The following DPYD variants were observed in gnomAD, a reference collection of about 807,000 sequenced individuals.
DPYD encodes the protein dihydropyrimidine dehydrogenase [NADP(+)].
A neutral mutation model predicts 116.2 loss-of-function variants in DPYD; 109 were observed. The ratio of observed to expected loss-of-function variants is 0.94; its 90% CI spans 0.80 to 1.10. The LOEUF (loss-of-function observed/expected upper bound fraction) is 1.10. Among genes scored for constraint, DPYD ranks in the 50% least tolerant of loss-of-function variants. The pLI is 0.00. For missense variants in DPYD, 1,302 were observed against 1,254.5 expected, an observed-to-expected ratio of 1.04 and a Z score of -0.57; for synonymous variants, 440 against 432.0, an observed-to-expected ratio of 1.02 and a Z score of -0.23.
intron 16 of DPYD, among the ~76,000 whole-genome samples, chr1:97,328,565 C>T (rs1668823433): frequency 6.6e-6 from 1 of 152,006 alleles, no homozygotes; most frequent in Admixed American, 6.6e-5. Context: ...CAGATTTTTG[C>T]TTAATAGAAA....
intron 18 of DPYD, among the ~76,000 whole-genome samples, chr1:97,253,031 T>A (rs1470783406): frequency 3.9e-5 from 6 of 152,048 alleles, no homozygotes. Context: ...CAGAAAAAAA[T>A]GATGTATTTC....
intron 4 of DPYD, among the ~76,000 whole-genome samples, chr1:97,730,628 T>C (rs1027558005): frequency 9.9e-5 from 15 of 152,114 alleles, no homozygotes; most frequent in Admixed American, 7.2e-4. Context: ...ATATATATTT[T>C]AAAATTATAA....
At chr1:97,285,847 CTT>C (rs1382138410) in intron 18 of DPYD, among the ~76,000 whole-genome samples, 1 of 152,046 alleles carries the variant, frequency 6.6e-6, no homozygotes, top group African/African-American at 2.4e-5. Flanking sequence ...TTTAGTGAGA[CTT>C]TTGGAGAGTC....
intron 3 of DPYD, among the ~76,000 whole-genome samples, chr1:97,762,596 C>T (rs1020954005): frequency 6.6e-5 from 10 of 152,098 alleles, no homozygotes; most frequent in Admixed American, 1.3e-4. Flanking sequence ...CTTGATTAGT[C>T]ATTCTCTAAA....
chr1:97,396,152 C>T (rs906347911), intron 14 of DPYD, among the ~76,000 whole-genome samples: 9 of 151,910 alleles, frequency 5.9e-5, no homozygotes, highest in African/African-American at 2.2e-4. Context: ...ATGCTGAGTA[C>T]TATGTTTAGA....
intron 16 of DPYD, among the ~76,000 whole-genome samples, chr1:97,346,275 T>A (rs1669835655): frequency 6.6e-6 from 1 of 151,834 alleles, no homozygotes. Context: ...TCTTCTACCA[T>A]AAATGGGCAT....
intron 3 of DPYD, among the ~76,000 whole-genome samples, chr1:97,748,794 T>C (rs1001625063): frequency 2.6e-5 from 4 of 152,238 alleles, no homozygotes; most frequent in Admixed American, 6.5e-5. Flanking sequence ...TACAGTGTAC[T>C]GTATATGGAA....
chr1:97,513,041 T>C (rs866293374), intron 13 of DPYD, among the ~76,000 whole-genome samples: 1 of 151,818 alleles, frequency 6.6e-6, no homozygotes, highest in Middle Eastern at 3.2e-3. Flanking sequence ...ATACAGCTTT[T>C]ATATAGACTG....
At chr1:97,679,758 TA>T (rs1428882407) in intron 7 of DPYD, among the ~76,000 whole-genome samples, 8 of 152,048 alleles carry the variant, frequency 5.3e-5, no homozygotes, top group Non-Finnish European at 1.2e-4. Context: ...TCACCCCTAG[TA>T]AAAGTCACAA....
intron 19 of DPYD, among the ~76,000 whole-genome samples, chr1:97,195,516 TA>T (rs1658692087): frequency 1.6e-5 from 1 of 61,156 alleles, no homozygotes. Context: ...GGGAATGGGA[TA>T]AGGAGAGAGA....
intron 18 of DPYD, among the ~76,000 whole-genome samples, chr1:97,263,483 T>G (rs2100858941): frequency 6.6e-6 from 1 of 152,190 alleles, no homozygotes; most frequent in African/African-American, 2.4e-5. Context: ...AACAAATAGT[T>G]TACAATTTTA....
chr1:97,264,806 C>A (rs199507229), intron 18 of DPYD, among the ~76,000 whole-genome samples: 17 of 63,782 alleles, frequency 2.7e-4, no homozygotes, highest in Non-Finnish European at 7.3e-5. Context: ...TGACTACAAC[C>A]TTTTTGCTGT....
intron 5 of DPYD, among the ~76,000 whole-genome samples, chr1:97,709,240 T>G (rs760347305): frequency 6.6e-6 from 1 of 151,916 alleles, no homozygotes; most frequent in Non-Finnish European, 1.5e-5. Flanking sequence ...TTTTGATGAA[T>G]TTCAAAATTC....
intron 12 of DPYD, among the ~76,000 whole-genome samples, chr1:97,539,644 C>A (rs751652201): frequency 1.3e-5 from 2 of 152,012 alleles, no homozygotes; most frequent in African/African-American, 2.4e-5. Flanking sequence ...AATAATGACA[C>A]GGCAAAAATA....
At chr1:97,111,274 G>C (rs1399290) in intron 20 of DPYD, among the ~76,000 whole-genome samples, 141,248 of 152,104 alleles carry the variant, frequency 0.93, 66,229 homozygotes, top group East Asian at 1. Flanking sequence ...TATGACAGAT[G>C]ATTCCTCTGC....
chr1:97,847,088 T>C (rs1670336241), intron 2 of DPYD, among the ~76,000 whole-genome samples: 1 of 152,152 alleles, frequency 6.6e-6, no homozygotes, highest in African/African-American at 2.4e-5. Flanking sequence ...TGCCATGAAT[T>C]TAGAACTGGA....
At chr1:97,793,275 A>G (rs1479500291) in intron 3 of DPYD, among the ~76,000 whole-genome samples, 1 of 152,234 alleles carries the variant, frequency 6.6e-6, no homozygotes, top group Non-Finnish European at 1.5e-5. Context: ...TTTTGTTAAG[A>G]TGGTGATTCA....
chr1:97,724,092 C>T (rs1663074050), intron 4 of DPYD, among the ~76,000 whole-genome samples: 1 of 151,380 alleles, frequency 6.6e-6, no homozygotes, highest in African/African-American at 2.4e-5. Flanking sequence ...TTCAACATCC[C>T]TCATGACAAA....
intron 5 of DPYD, among the ~76,000 whole-genome samples, chr1:97,710,321 G>T (rs1469705231): frequency 2.0e-5 from 3 of 151,602 alleles, no homozygotes; most frequent in African/African-American, 4.8e-5. Flanking sequence ...TTTCTTTGTT[G>T]TTTGTTTCCT....
Sources: gnomAD v4.1 joint callset for allele counts (sites outside exome capture counted in the v4.1 genomes callset) on GRCh38, gnomAD v4.1.1 for gene constraint, MANE v1.5 for transcripts, NCBI Gene and HGNC (gene_info 2026-07-23, HGNC 2026-07-21) for gene names.